TRERF1: variants seen among roughly 807,000 people sequenced by gnomAD.
TRERF1 encodes the protein transcriptional-regulating factor 1.
A neutral mutation model predicts 122.9 loss-of-function variants in TRERF1; 27 were observed. The observed-to-expected ratio is 0.22, with a 90% confidence interval of 0.16 to 0.30. The LOEUF (loss-of-function observed/expected upper bound fraction) is 0.30, where lower values mean the gene tolerates loss of function less well. Ranked by LOEUF, TRERF1 falls within the 10% of genes least tolerant of loss-of-function variation. The probability of loss-of-function intolerance (pLI) is 1.00; values close to 1 mark genes in which losing one functional copy is unlikely to be tolerated. For missense variants in TRERF1, 1,248 were observed against 1,560.3 expected (o/e 0.80, Z 3.37); for synonymous variants, 636 against 641.7 (o/e 0.99, Z 0.13).
intron 4 of TRERF1, among the ~76,000 whole-genome samples, chr6:42,270,769 T>TC (rs1780070966): frequency 1.8e-5 from 2 of 112,560 alleles, no homozygotes; most frequent in South Asian, 2.9e-4. Flanking sequence ...ACCTCATCTC[T>TC]TTTTTTTTTT....
intron 2 of TRERF1, among the ~76,000 whole-genome samples, chr6:42,443,622 G>C (rs749168873): frequency 6.6e-6 from 1 of 152,174 alleles, no homozygotes; most frequent in Non-Finnish European, 1.5e-5. Flanking sequence ...TTGGCCCTTT[G>C]GGTGGGCAGG....
chr6:42,269,673 A>G lies in TRERF1; in HGVS notation c.-83T>C, dbSNP rs2149904240. ...CAAACCCAAAAGGACTGAAACCCTG[A>G]GAAGCTGAGAGAAAAGTGTCAGCAC... On this transcript the variant is annotated 5_prime_UTR_variant, in exon 5 of 18. Coordinates refer to ENST00000372922, the Ensembl canonical transcript of TRERF1. This position sits in a 1 kb window ranked among gnomAD's most constrained non-coding sequence, Gnocchi z 4.9. 1.3e-6 allele frequency: 2 copies of G among 1,496,342 alleles called. No individual in the cohort carries two copies. The highest frequency in any genetic ancestry group is 1.8e-6 in the Non-Finnish European group (2 of 1,125,558). The allele number at this position is 1,496,342 out of a possible 1,614,324, so 92.7% of individuals were successfully genotyped here. A position where few individuals can be genotyped will look rare whatever the true frequency, so the allele number is the denominator to read the frequency against.
chr6:42,377,145 C>A (rs1288513129), intron 2 of TRERF1, among the ~76,000 whole-genome samples: 1 of 152,156 alleles, frequency 6.6e-6, no homozygotes, highest in Admixed American at 6.5e-5. Context: ...GAATTACAGG[C>A]GTGAGCCACT....
chr6:42,369,173 G>A (rs1166150260), intron 2 of TRERF1, among the ~76,000 whole-genome samples: 1 of 152,188 alleles, frequency 6.6e-6, no homozygotes, highest in Admixed American at 6.5e-5. Context: ...GAGGAGGCCA[G>A]GCACGGTGGC....
At chr6:42,401,041 CA>C (rs1779305552) in intron 2 of TRERF1, among the ~76,000 whole-genome samples, 2 of 152,180 alleles carry the variant, frequency 1.3e-5, no homozygotes, top group East Asian at 3.9e-4. Flanking sequence ...GCCATCCTCC[CA>C]ATGCACCAGA....
At chr6:42,328,034 C>A (rs117580053) in intron 3 of TRERF1, among the ~76,000 whole-genome samples, 5,920 of 104,308 alleles carry the variant, frequency 0.057, 289 homozygotes, top group East Asian at 0.27. Flanking sequence ...GAGACAGGGT[C>A]TCATTTTGTT....
chr6:42,362,385 A>T (rs1043633796), intron 3 of TRERF1, among the ~76,000 whole-genome samples: 1 of 152,262 alleles, frequency 6.6e-6, no homozygotes, highest in East Asian at 1.9e-4. Flanking sequence ...GAATGTGTGG[A>T]GGATGGAGCC....
chr6:42,232,845 C>A lies in TRERF1; in HGVS notation c.3114G>T (p.Gly1038=). The change falls in exon 17 of 18, where the codon GGG becomes GGT. Residue 1038 remains glycine, a synonymous_variant. Coordinates refer to ENST00000372922, the Ensembl canonical transcript of TRERF1. This position sits in a 1 kb window ranked among gnomAD's most constrained non-coding sequence, Gnocchi z 4.5. Reference sequence around the variant, plus strand: ...GGGCCTTGGTCACCTGGTTGGTGCCCCCGTGGATGCGGGCATGGCCATTCA... The same window carrying A: ...GGGCCTTGGTCACCTGGTTGGTGCCACCGTGGATGCGGGCATGGCCATTCA... The A allele has an allele frequency of 6.2e-7, 1 of 1,611,124 alleles. No homozygotes were observed. The highest frequency in any genetic ancestry group is 8.5e-7 in the Non-Finnish European group (1 of 1,178,752).
intron 2 of TRERF1, among the ~76,000 whole-genome samples, chr6:42,431,059 C>CAAAAAAAAAAAA (rs535412294): frequency 1.5e-5 from 1 of 68,684 alleles, no homozygotes. Flanking sequence ...GACTCAGTCT[C>CAAAAAAAAAAAA]AAAAAAAAAA....
intron 2 of TRERF1, among the ~76,000 whole-genome samples, chr6:42,445,359 C>CAGACACACAG (rs139729310): frequency 5.3e-4 from 75 of 142,246 alleles, no homozygotes; most frequent in Middle Eastern, 3.7e-3. Flanking sequence ...CACAGACACA[C>CAGACACACAG]ACACACACAC....
At chr6:42,427,417 C>T (rs1783791063) in intron 2 of TRERF1, among the ~76,000 whole-genome samples, 1 of 152,020 alleles carries the variant, frequency 6.6e-6, no homozygotes, top group Non-Finnish European at 1.5e-5. Flanking sequence ...ACCACTATGC[C>T]CAGCTAACTT....
In TRERF1 at chr6:42,276,569, G is replaced by A. The variant is rs1406551407; in HGVS notation, c.-258-6721C>T. Among the ~76,000 whole-genome samples the A allele has an allele frequency of 2.0e-5, 3 of 152,194 alleles. No individual in the cohort carries two copies. Among genetic ancestry groups the A allele is most frequent in the Admixed American group, 6.5e-5 (1 of 15,276 alleles). On this transcript the variant is annotated intron_variant, in intron 4 of 17. Coordinates refer to ENST00000372922, the Ensembl canonical transcript of TRERF1. The surrounding 1 kb of genome is among the most constrained non-coding windows in gnomAD (Gnocchi z 4.3). Reference sequence around the variant, plus strand: ...AGGGCGGCTCTCCAGGATGTGGGCCGCAGTTCGCCGTCTTCTTTTTAGCAC... The same window carrying A: ...AGGGCGGCTCTCCAGGATGTGGGCCACAGTTCGCCGTCTTCTTTTTAGCAC...
At chr6:42,271,930 A>G (rs1350142062) in intron 4 of TRERF1, among the ~76,000 whole-genome samples, 1 of 152,234 alleles carries the variant, frequency 6.6e-6, no homozygotes, top group Non-Finnish European at 1.5e-5. Context: ...TGAAAATACA[A>G]TTTCCAGAAG....
intron 4 of TRERF1, among the ~76,000 whole-genome samples, chr6:42,288,574 CAAA>C (rs3074797): frequency 0.036 from 3,077 of 86,492 alleles, 36 homozygotes; most frequent in Non-Finnish European, 0.048. Context: ...ATCTCAAAAC[CAAA>C]AAAAAAAAAA....
At chr6:42,405,947 A>G (rs1293655879) in intron 2 of TRERF1, among the ~76,000 whole-genome samples, 1 of 152,208 alleles carries the variant, frequency 6.6e-6, no homozygotes, top group African/African-American at 2.4e-5. Context: ...AACAAAGCCC[A>G]TGACACAGAA....
chr6:42,298,837 G>A (rs754673587), intron 4 of TRERF1, among the ~76,000 whole-genome samples: 1 of 152,110 alleles, frequency 6.6e-6, no homozygotes, highest in Non-Finnish European at 1.5e-5. Context: ...CTACTCAGGA[G>A]ACTCAGGCAG....
rs1779864813 is a variant in TRERF1 at position 42,269,599 on chromosome 6, C to A, written c.-9G>T. The stretch of plus-strand genomic sequence containing the variant: ...AGTTGCTGGTCACCCATGCTGTCTG[C>A]CTTGGTTGTGAACGTCCAGCCACAA... On this transcript the variant is annotated 5_prime_UTR_variant, in exon 5 of 18. Coordinates refer to ENST00000372922, the Ensembl canonical transcript of TRERF1. This position sits in a 1 kb window ranked among gnomAD's most constrained non-coding sequence, Gnocchi z 4.9. 6.2e-7 allele frequency: 1 copy of A among 1,608,764 alleles called. No individual in the cohort carries two copies. The highest frequency in any genetic ancestry group is 1.3e-5 in the African/African-American group (1 of 74,780).
intron 3 of TRERF1, among the ~76,000 whole-genome samples, chr6:42,350,125 G>C (rs1194136023): frequency 6.6e-6 from 1 of 151,824 alleles, no homozygotes; most frequent in Non-Finnish European, 1.5e-5. Flanking sequence ...CCTGCTCCTT[G>C]ACCACCCACC....
chr6:42,267,463 A>G (rs1779417897), intron 5 of TRERF1, among the ~76,000 whole-genome samples: 1 of 152,122 alleles, frequency 6.6e-6, no homozygotes, highest in African/African-American at 2.4e-5. Flanking sequence ...CCTTGTCTCT[A>G]CTAAAAATAC....
Sources: gnomAD v4.1 joint callset for allele counts (sites outside exome capture counted in the v4.1 genomes callset) on GRCh38, gnomAD v4.1.1 for gene constraint, Gnocchi (gnomAD v3.1) non-coding constraint, MANE v1.5 for transcripts, NCBI Gene and HGNC (gene_info 2026-07-23, HGNC 2026-07-21) for gene names.